The following LSAMP variants were observed in gnomAD, a reference collection of about 807,000 sequenced individuals.
LSAMP encodes the protein limbic system associated membrane protein, also known as limbic system-associated membrane protein.
A neutral mutation model predicts 38.6 loss-of-function variants in LSAMP; 7 were observed. The ratio of observed to expected loss-of-function variants is 0.18; its 90% CI spans 0.10 to 0.34. LSAMP has a LOEUF of 0.34. Among genes scored for constraint, LSAMP ranks in the 10% least tolerant of loss-of-function variants. The pLI is 1.00. For synonymous variants in LSAMP, 154 were observed against 166.8 expected (o/e 0.92, Z 0.59); for missense variants, 313 against 420.0 (o/e 0.75, Z 2.23).
chr3:116,232,894 G>A (rs2046420926), intron 1 of LSAMP, among the ~76,000 whole-genome samples: 1 of 151,634 alleles, frequency 6.6e-6, no homozygotes, highest in Admixed American at 6.6e-5. Context: ...GCCCCTACCA[G>A]TTGCAAGAAT....
intron 1 of LSAMP, among the ~76,000 whole-genome samples, chr3:116,167,151 C>T (rs1430099219): frequency 6.6e-6 from 1 of 152,026 alleles, no homozygotes; most frequent in Non-Finnish European, 1.5e-5. Context: ...TTTTTGGCTA[C>T]ATGGATAAGC....
intron 1 of LSAMP, among the ~76,000 whole-genome samples, chr3:116,441,380 C>T (rs1169119281): frequency 1.3e-5 from 2 of 152,040 alleles, no homozygotes; most frequent in Non-Finnish European, 2.9e-5. Flanking sequence ...ACAAAGTTGC[C>T]TTATGAATAG....
At chr3:116,092,730 G>T (rs1350107626) in intron 1 of LSAMP, among the ~76,000 whole-genome samples, 4 of 152,124 alleles carry the variant, frequency 2.6e-5, no homozygotes, top group Admixed American at 2.6e-4. Flanking sequence ...AAGAGTGGGG[G>T]TTATACTGCT....
At chr3:115,918,841 C>T (rs564852364) in intron 3 of LSAMP, among the ~76,000 whole-genome samples, 6 of 151,606 alleles carry the variant, frequency 4.0e-5, no homozygotes, top group Middle Eastern at 3.4e-3. Flanking sequence ...ATTTATGTAG[C>T]GTTTTCTGTG....
intron 1 of LSAMP, among the ~76,000 whole-genome samples, chr3:116,149,474 CT>C (rs1031150482): frequency 2.6e-5 from 4 of 151,986 alleles, no homozygotes; most frequent in Non-Finnish European, 4.4e-5. Context: ...CCTTTCACTC[CT>C]GTTTTTGTTA....
chr3:115,865,522 A>C (rs547590462), intron 3 of LSAMP, among the ~76,000 whole-genome samples: 2 of 152,326 alleles, frequency 1.3e-5, no homozygotes, highest in South Asian at 4.1e-4. Flanking sequence ...ACACAGATAT[A>C]GTATCCAGAT....
chr3:116,014,685 A>C (rs1940427321), intron 3 of LSAMP, among the ~76,000 whole-genome samples: 1 of 152,216 alleles, frequency 6.6e-6, no homozygotes. Context: ...GCCCCAGAGA[A>C]ATAATTTCCT....
intron 6 of LSAMP, 77 bp from the exon 7 acceptor site, chr3:115,810,491 G>GT (rs1933788294): frequency 2.1e-6 from 2 of 969,040 alleles, no homozygotes; most frequent in Admixed American, 4.0e-5. Flanking sequence ...ACTGCTGATG[G>GT]TATCAGAGGT....
intron 1 of LSAMP, among the ~76,000 whole-genome samples, chr3:116,392,991 G>T (rs188444049): frequency 6.6e-6 from 1 of 152,114 alleles, no homozygotes; most frequent in Non-Finnish European, 1.5e-5. Flanking sequence ...ATGGAGACAA[G>T]CTGCCCACTG....
chr3:116,275,179 C>A (rs868719032), intron 1 of LSAMP, among the ~76,000 whole-genome samples: 1 of 152,070 alleles, frequency 6.6e-6, no homozygotes, highest in African/African-American at 2.4e-5. Context: ...CAGCCTCCTG[C>A]ATAGCGGAGA....
At chr3:116,297,052 A>G (rs1047639572) in intron 1 of LSAMP, among the ~76,000 whole-genome samples, 2 of 152,198 alleles carry the variant, frequency 1.3e-5, no homozygotes. Flanking sequence ...GAAATATGTC[A>G]GGATTCTGAG....
chr3:116,117,307 C>T (rs982589044), intron 1 of LSAMP, among the ~76,000 whole-genome samples: 11 of 151,892 alleles, frequency 7.2e-5, no homozygotes, highest in Admixed American at 2.6e-4. Flanking sequence ...GTCTGTCATT[C>T]CCCCCCTATT....
At chr3:116,178,748 C>A (rs1369724002) in intron 1 of LSAMP, among the ~76,000 whole-genome samples, 1 of 152,140 alleles carries the variant, frequency 6.6e-6, no homozygotes, top group Middle Eastern at 3.2e-3. Flanking sequence ...CTATCCCACC[C>A]TTCAAAACAG....
intron 1 of LSAMP, among the ~76,000 whole-genome samples, chr3:116,194,017 C>T (rs1462336184): frequency 6.6e-6 from 1 of 152,138 alleles, no homozygotes; most frequent in East Asian, 1.9e-4. Flanking sequence ...CAGTTGCAGT[C>T]AGGGTGCAAT....
intron 6 of LSAMP, among the ~76,000 whole-genome samples, chr3:115,829,134 TGCTA>T (rs1934524500): frequency 6.6e-6 from 1 of 152,214 alleles, no homozygotes. Flanking sequence ...GATTTATTCT[TGCTA>T]GCAACTTTTA....
chr3:115,930,577 C>G (rs533108536), intron 3 of LSAMP, among the ~76,000 whole-genome samples: 1 of 152,244 alleles, frequency 6.6e-6, no homozygotes, highest in South Asian at 2.1e-4. Context: ...AAAATCCACT[C>G]CAACCAAATG....
At chr3:116,272,176 A>C (rs951370992) in intron 1 of LSAMP, among the ~76,000 whole-genome samples, 13 of 151,942 alleles carry the variant, frequency 8.6e-5, no homozygotes, top group Non-Finnish European at 1.6e-4. Context: ...TAAAAACAAC[A>C]CAGAAACTAT....
chr3:115,949,784 A>G (rs1307892049), intron 3 of LSAMP, among the ~76,000 whole-genome samples: 1 of 149,968 alleles, frequency 6.7e-6, no homozygotes, highest in Non-Finnish European at 1.5e-5. Context: ...ATAACAAAGA[A>G]AAAAAAAAAG....
chr3:115,870,623 G>A (rs549841340), intron 3 of LSAMP, among the ~76,000 whole-genome samples: 1 of 152,272 alleles, frequency 6.6e-6, no homozygotes, highest in East Asian at 1.9e-4. Flanking sequence ...TGGTGATTTT[G>A]ATGTACACAC....
Sources: gnomAD v4.1 joint callset for allele counts (sites outside exome capture counted in the v4.1 genomes callset) on GRCh38, gnomAD v4.1.1 for gene constraint, MANE v1.5 for transcripts, NCBI Gene and HGNC (gene_info 2026-07-23, HGNC 2026-07-21) for gene names.